Variants in PTPN4 observed in about 807,000 individuals in gnomAD.
PTPN4 encodes the protein tyrosine-protein phosphatase non-receptor type 4.
Under a neutral mutation model 135.5 loss-of-function variants are expected in PTPN4, and 49 were observed. That is an observed-to-expected ratio of 0.36 (90% confidence interval 0.29 to 0.46). The LOEUF (loss-of-function observed/expected upper bound fraction) is 0.46, where lower values mean the gene tolerates loss of function less well. PTPN4 is among the 20% of genes least tolerant of loss of function. The pLI, the probability that PTPN4 is intolerant of heterozygous loss-of-function variation, is 1.00. For missense variants in PTPN4, 860 were observed against 1,101.0 expected (o/e 0.78, Z 3.10); for synonymous variants, 333 against 369.9 (o/e 0.90, Z 1.14).
intron 8 of PTPN4, among the ~76,000 whole-genome samples, chr2:119,882,966 T>C (rs1214155681): frequency 6.6e-6 from 1 of 152,186 alleles, no homozygotes; most frequent in African/African-American, 2.4e-5. Context: ...TATAAAGGAC[T>C]TGATTCTCCT....
chr2:119,838,853 C>T (rs1026296315), intron 2 of PTPN4, among the ~76,000 whole-genome samples: 1 of 152,174 alleles, frequency 6.6e-6, no homozygotes, highest in African/African-American at 2.4e-5. Context: ...ATTCAACTAA[C>T]CAAATATGTA....
rs142177105 is a variant in PTPN4 at position 119,897,847 on chromosome 2, A to G, written c.676-2871A>G. On this transcript the variant is annotated intron_variant, in intron 9 of 26. Transcript: ENST00000263708. Reference sequence around the variant, plus strand: ...GGCTAAGTGTAAGCATAAAATTACCATCAGAAATCAAATAACGTATTTGAT... The same window carrying G: ...GGCTAAGTGTAAGCATAAAATTACCGTCAGAAATCAAATAACGTATTTGAT... 2.5e-3 allele frequency among the ~76,000 whole-genome samples: 387 copies of G among 152,354 alleles called. 1 individual carries two copies. Among genetic ancestry groups the G allele is most frequent in the African/African-American group, 9.1e-3 (377 of 41,592 alleles).
At chr2:119,892,206 G>C (rs770097643) in intron 9 of PTPN4, among the ~76,000 whole-genome samples, 1 of 152,208 alleles carries the variant, frequency 6.6e-6, no homozygotes, top group Non-Finnish European at 1.5e-5. Context: ...ATAGAAGTCA[G>C]AATAGCAGTC....
chr2:119,969,552 C>CTTTTTTT lies in PTPN4; in HGVS notation c.2694+1598_2694+1604dup, dbSNP rs35531556. On this transcript the variant is annotated intron_variant, in intron 26 of 26. Transcript: ENST00000263708. Reference sequence around the variant, plus strand: ...AATTATCAAGAAATGTAATCAATTTCTTTTTTTTTTTTTTTTTTTTTTTTG... The same window carrying CTTTTTTT: ...AATTATCAAGAAATGTAATCAATTTCTTTTTTTTTTTTTTTTTTTTTTTTTTTTTTTG... Among the ~76,000 whole-genome samples the CTTTTTTT allele has an allele frequency of 1.2e-3, 133 of 113,870 alleles. 1 individual carries two copies. The highest frequency in any genetic ancestry group is 1.5e-3 in the East Asian group (5 of 3,266). The allele number at this position is 113,870 out of a possible 152,430, so 74.7% of individuals were successfully genotyped here.
In PTPN4 at chr2:119,871,222, G is replaced by A. The variant is rs576249870; in HGVS notation, c.247-6101G>A. Among the ~76,000 whole-genome samples the A allele has an allele frequency of 1.0e-3, 150 of 150,054 alleles. 3 individuals are homozygous for A. The South Asian group carries it at 0.03, about 30-fold the overall frequency. The stretch of plus-strand genomic sequence containing the variant: ...CACTACCTGTTTCTGGCAAAGGCTC[G>A]GGAAATGTGCATTCTCAAGACAGTT... On this transcript the variant is annotated intron_variant, in intron 3 of 26. Coordinates refer to ENST00000263708, the MANE Select transcript of PTPN4 (RefSeq NM_002830.4).
At chr2:119,870,339 G>T (rs1677892030) in intron 3 of PTPN4, among the ~76,000 whole-genome samples, 1 of 152,050 alleles carries the variant, frequency 6.6e-6, no homozygotes, top group Non-Finnish European at 1.5e-5. Context: ...AGATATAATA[G>T]AAATTATGAA....
intron 2 of PTPN4, among the ~76,000 whole-genome samples, chr2:119,813,695 A>G (rs1162490461): frequency 6.6e-6 from 1 of 152,206 alleles, no homozygotes; most frequent in African/African-American, 2.4e-5. Flanking sequence ...GTGAAAGGAA[A>G]TAGACTGCAT....
At chr2:119,845,929 G>A (rs990331781) in intron 2 of PTPN4, among the ~76,000 whole-genome samples, 2 of 152,072 alleles carry the variant, frequency 1.3e-5, no homozygotes, top group African/African-American at 4.8e-5. Context: ...TTTCTCTTGT[G>A]ATTTCTTCTT....
At chr2:119,869,678 T>C (rs1481112005) in intron 3 of PTPN4, among the ~76,000 whole-genome samples, 1 of 152,186 alleles carries the variant, frequency 6.6e-6, no homozygotes, top group Non-Finnish European at 1.5e-5. Flanking sequence ...CTAATATATA[T>C]CTCAGCCCTT....
Position 119,934,934 on chromosome 2 carries a change from A to G in PTPN4, c.1331A>G (p.Asn444Ser), listed in dbSNP as rs148702176. 61 of 1,613,788 alleles carry G rather than the reference A, an allele frequency of 3.8e-5. No homozygotes were observed. The highest frequency in any genetic ancestry group is 4.8e-5 in the Non-Finnish European group (57 of 1,179,826). ...AGATCTCCGTCATCAACACAAGCTA[A>G]TAGCATTGTTCTGGAATCATCACCG... ...NQRSPSSTQA[N>S]SIVLESSPSQ... Residue 444 changes from asparagine (N) to serine (S), a missense_variant, in exon 15 of 27, where the codon AAT becomes AGT. Physicochemically the swap from Asn to Ser is conservative, Grantham distance 46 (BLOSUM62 1). Transcript: ENST00000263708.
intron 1 of PTPN4, among the ~76,000 whole-genome samples, chr2:119,795,012 G>T (rs1339348287): frequency 6.6e-6 from 1 of 152,196 alleles, no homozygotes; most frequent in Non-Finnish European, 1.5e-5. Context: ...TGTTTCTTCA[G>T]CTCTCAGCGG....
At chr2:119,800,031 TG>T (rs370470504) in intron 1 of PTPN4, among the ~76,000 whole-genome samples, 12 of 152,206 alleles carry the variant, frequency 7.9e-5, no homozygotes, top group African/African-American at 2.9e-4. Context: ...ACATTCTTTT[TG>T]GGTAAAAGGG....
At chr2:119,856,548 G>A (rs115038640) in intron 2 of PTPN4, among the ~76,000 whole-genome samples, 1,784 of 152,266 alleles carry the variant, frequency 0.012, 34 homozygotes, top group African/African-American at 0.038. Flanking sequence ...GGAATCCTAC[G>A]ATGATGAGTT....
intron 15 of PTPN4, among the ~76,000 whole-genome samples, chr2:119,943,586 T>C (rs926116368): frequency 4.6e-5 from 6 of 131,132 alleles, no homozygotes; most frequent in East Asian, 4.3e-4. Flanking sequence ...TTTTCTTTTT[T>C]TTTTTTTTTT....
intron 9 of PTPN4, among the ~76,000 whole-genome samples, chr2:119,887,973 TA>T (rs1433176590): frequency 6.6e-6 from 1 of 152,236 alleles, no homozygotes; most frequent in African/African-American, 2.4e-5. Flanking sequence ...ATGGTCATTT[TA>T]ACAATATTAG....
At chr2:119,845,676 T>C (rs905924192) in intron 2 of PTPN4, among the ~76,000 whole-genome samples, 1 of 152,144 alleles carries the variant, frequency 6.6e-6, no homozygotes, top group East Asian at 1.9e-4. Context: ...TAACTTTCGG[T>C]TCTGTTGATT....
At chr2:119,785,159 C>A (rs1190487234) in intron 1 of PTPN4, among the ~76,000 whole-genome samples, 1 of 152,130 alleles carries the variant, frequency 6.6e-6, no homozygotes, top group Non-Finnish European at 1.5e-5. Flanking sequence ...ATTGTGAGAA[C>A]CAAAAAATGT....
intron 12 of PTPN4, among the ~76,000 whole-genome samples, chr2:119,923,841 A>G (rs1678772766): frequency 6.6e-6 from 1 of 152,122 alleles, no homozygotes; most frequent in Admixed American, 6.5e-5. Flanking sequence ...AAGTAATATA[A>G]CTTTAAAAAA....
intron 2 of PTPN4, among the ~76,000 whole-genome samples, chr2:119,814,385 A>G (rs1676956389): frequency 6.6e-6 from 1 of 152,174 alleles, no homozygotes; most frequent in Non-Finnish European, 1.5e-5. Flanking sequence ...TCAGAGAGTA[A>G]ATCTCCAGTT....
Sources: allele counts gnomAD v4.1 joint callset (sites outside exome capture counted in the v4.1 genomes callset), GRCh38; gene constraint gnomAD v4.1.1; transcripts MANE v1.5; gene names NCBI Gene and HGNC (gene_info 2026-07-23, HGNC 2026-07-21).